The following RUNX2 variants were observed in gnomAD, a reference collection of about 807,000 sequenced individuals.
RUNX2 encodes runt-related transcription factor 2.
Under a neutral mutation model 51.7 loss-of-function variants are expected in RUNX2, and 10 were observed. The observed-to-expected ratio is 0.19, with a 90% CI of 0.12 to 0.33. RUNX2 has a LOEUF of 0.33. RUNX2 is among the 10% of genes least tolerant of loss of function. The probability of loss-of-function intolerance (pLI) is 1.00; values close to 1 mark genes in which losing one functional copy is unlikely to be tolerated. For synonymous variants in RUNX2, 276 were observed against 273.6 expected (o/e 1.01, Z -0.09); for missense variants, 562 against 691.3 (o/e 0.81, Z 2.10).
Position 45,422,677 on chromosome 6 carries a change from C to T in RUNX2, c.143C>T (p.Ala48Val), listed in dbSNP as rs1798236667. The T allele has an allele frequency of 6.2e-7, 1 of 1,605,376 alleles. No homozygotes were observed. The highest frequency in any genetic ancestry group is 2.3e-5 in the East Asian group (1 of 44,072). Residue 48 changes from alanine to valine, a missense_variant, in exon 3 of 9, where the codon GCG becomes GTG. This residue lies in a region of RUNX2 where 153 missense variants were observed against 144.8 expected (regional missense o/e 1.06). Coordinates refer to ENST00000647337, the MANE Select transcript of RUNX2 (RefSeq NM_001024630.4). ...AGCGACGTGAGCCCGGTGGTGGCTGCGCAACAGCAGCAGCAACAGCAGCAG... is the reference window on the plus strand; with the variant it reads ...AGCGACGTGAGCCCGGTGGTGGCTGTGCAACAGCAGCAGCAACAGCAGCAG... Reference protein sequence around the residue: ...KMSDVSPVVAAQQQQQQQQQQ... With the variant: ...KMSDVSPVVAVQQQQQQQQQQ...
chr6:45,358,404 C>T (rs1793628978), intron 2 of RUNX2, among the ~76,000 whole-genome samples: 2 of 152,174 alleles, frequency 1.3e-5, no homozygotes, highest in Admixed American at 6.5e-5. Flanking sequence ...AAATTTCTAT[C>T]ACTGTGGAAA....
rs1221616975 is a variant in RUNX2, at chr6:45,492,048, A to C, written c.793A>C (p.Asn265His). The change falls in exon 6 of 9, where the codon AAC (asparagine) becomes CAC (histidine). Residue 265 changes from asparagine to histidine, a missense_variant. Coordinates refer to ENST00000647337, the MANE Select transcript of RUNX2 (RefSeq NM_001024630.4). The part of the protein sequence containing the change: ...PSMRVGVPPQ[N>H]PRPSLNSAPS... Reference sequence around the variant, plus strand: ...TATGAGAGTAGGTGTCCCGCCTCAGAACCCACGGCCCTCCCTGAACTCTGC... The same window carrying C: ...TATGAGAGTAGGTGTCCCGCCTCAGCACCCACGGCCCTCCCTGAACTCTGC... The C allele has an allele frequency of 6.2e-7, 1 of 1,613,914 alleles. No homozygotes were observed. Among genetic ancestry groups the C allele is most frequent in the South Asian group, 1.1e-5 (1 of 91,078 alleles).
intron 7 of RUNX2, among the ~76,000 whole-genome samples, chr6:45,541,725 C>T (rs903678736): frequency 6.6e-6 from 1 of 152,166 alleles, no homozygotes; most frequent in African/African-American, 2.4e-5. Context: ...CTTTTTTCTG[C>T]CCTGACCTGC....
chr6:45,532,273 T>C (rs1447206906), intron 7 of RUNX2, among the ~76,000 whole-genome samples: 1 of 150,346 alleles, frequency 6.7e-6, no homozygotes, highest in Non-Finnish European at 1.5e-5. Flanking sequence ...GCAGGAACAG[T>C]ATTTCTAGTA....
chr6:45,528,660 A>T (rs1163271952), intron 7 of RUNX2, among the ~76,000 whole-genome samples: 1 of 152,148 alleles, frequency 6.6e-6, no homozygotes, highest in African/African-American at 2.4e-5. Context: ...AGCATCATGC[A>T]TGCAGGTGTG....
At chr6:45,391,871 C>A (rs1797478763) in intron 2 of RUNX2, among the ~76,000 whole-genome samples, 1 of 152,112 alleles carries the variant, frequency 6.6e-6, no homozygotes, top group South Asian at 2.1e-4. Context: ...GGTGGGGACA[C>A]AAAGCCTAAA....
chr6:45,348,001 A>C lies in RUNX2; in HGVS notation c.58+19217A>C, dbSNP rs117766157. Among the ~76,000 whole-genome samples the C allele has an allele frequency of 1.7e-4, 26 of 152,272 alleles. No homozygotes were observed. The East Asian group carries it at 4.1e-3, about 24-fold the overall frequency. ...TTACAATCAGAGAAAGTTTAAAGTT[A>C]TATAAATAGGTATGTATGCATGTGT... On this transcript the variant is annotated intron_variant, in intron 2 of 8. Coordinates refer to ENST00000647337, the MANE Select transcript of RUNX2 (RefSeq NM_001024630.4).
At chr6:45,381,546 G>C (rs570238962) in intron 2 of RUNX2, among the ~76,000 whole-genome samples, 221 of 152,058 alleles carry the variant, frequency 1.5e-3, no homozygotes, top group Non-Finnish European at 2.5e-3. Context: ...TTCCACCTCA[G>C]CCTCCTCAGT....
chr6:45,448,308 G>A (rs901085632), intron 5 of RUNX2, among the ~76,000 whole-genome samples: 1 of 152,190 alleles, frequency 6.6e-6, no homozygotes, highest in Non-Finnish European at 1.5e-5. Flanking sequence ...AGGTCATGTG[G>A]CTGTTGCTCC....
chr6:45,535,472 C>T (rs1044766811), intron 7 of RUNX2, among the ~76,000 whole-genome samples: 5 of 151,934 alleles, frequency 3.3e-5, no homozygotes, highest in Middle Eastern at 3.4e-3. Flanking sequence ...GGCGTGGTGG[C>T]GGGTGCCTGT....
chr6:45,476,018 C>A (rs1386050922), intron 5 of RUNX2, among the ~76,000 whole-genome samples: 1 of 152,222 alleles, frequency 6.6e-6, no homozygotes, highest in Non-Finnish European at 1.5e-5. Context: ...GTGGCTCAGA[C>A]TTTCTTTCTC....
intron 7 of RUNX2, among the ~76,000 whole-genome samples, chr6:45,515,037 C>T (rs1382507539): frequency 6.6e-6 from 1 of 151,518 alleles, no homozygotes; most frequent in African/African-American, 2.4e-5. Context: ...CCAAATAATG[C>T]TGTTTCCACA....
chr6:45,429,841 C>T (rs1424742889), intron 3 of RUNX2, among the ~76,000 whole-genome samples: 1 of 152,146 alleles, frequency 6.6e-6, no homozygotes, highest in African/African-American at 2.4e-5. Flanking sequence ...CGCCTGTAAT[C>T]CCAGCACTTT....
chr6:45,467,076 T>C (rs1310761516), intron 5 of RUNX2, among the ~76,000 whole-genome samples: 2 of 152,186 alleles, frequency 1.3e-5, no homozygotes, highest in African/African-American at 4.8e-5. Flanking sequence ...ACGGCTTGAC[T>C]GTTGTCTTGA....
chr6:45,342,257 T>C (rs541545996), intron 2 of RUNX2, among the ~76,000 whole-genome samples: 65 of 152,190 alleles, frequency 4.3e-4, no homozygotes, highest in African/African-American at 1.5e-3. Context: ...AAGTTATATA[T>C]AACACAATCT....
chr6:45,463,037 C>A (rs1222816731), intron 5 of RUNX2, among the ~76,000 whole-genome samples: 3 of 152,182 alleles, frequency 2.0e-5, no homozygotes, highest in African/African-American at 7.2e-5. Flanking sequence ...CCTTTACAGA[C>A]CAGCAGCCAC....
At chr6:45,502,239 C>T (rs1431335225) in intron 6 of RUNX2, among the ~76,000 whole-genome samples, 1 of 152,168 alleles carries the variant, frequency 6.6e-6, no homozygotes, top group Non-Finnish European at 1.5e-5. Flanking sequence ...CCCTTATCTC[C>T]TCACTTCTCT....
intron 2 of RUNX2, among the ~76,000 whole-genome samples, chr6:45,364,254 CTAAG>C (rs1195073862): frequency 1.3e-5 from 2 of 152,248 alleles, no homozygotes; most frequent in South Asian, 2.1e-4. Context: ...AGCTCCTGAA[CTAAG>C]TGTTTTCAAT....
At chr6:45,445,442 C>T (rs1392976987) in intron 5 of RUNX2, among the ~76,000 whole-genome samples, 1 of 152,172 alleles carries the variant, frequency 6.6e-6, no homozygotes, top group Non-Finnish European at 1.5e-5. Flanking sequence ...CTTCTGGACA[C>T]AGTTCTTGCA....
Sources: gnomAD v4.1 joint callset for allele counts (sites outside exome capture counted in the v4.1 genomes callset) on GRCh38, gnomAD v4.1.1 for gene constraint, gnomAD v4.1.1 regional missense constraint, MANE v1.5 for transcripts, NCBI Gene and HGNC (gene_info 2026-07-23, HGNC 2026-07-21) for gene names.